Variants in XRCC4 observed in about 807,000 individuals in gnomAD.
XRCC4 encodes the protein DNA repair protein XRCC4.
In XRCC4, 28 loss-of-function variants were observed where a neutral mutation model predicts 39.1. The observed-to-expected ratio is 0.72, with a 90% CI of 0.53 to 0.98. The LOEUF (loss-of-function observed/expected upper bound fraction) is 0.98, where lower values mean the gene tolerates loss of function less well. XRCC4 is among the 50% of genes least tolerant of loss of function. XRCC4 has a pLI of 0.00. For missense variants in XRCC4, 350 were observed against 376.4 expected (o/e 0.93, Z 0.58); for synonymous variants, 123 against 126.4 (o/e 0.97, Z 0.18).
intron 3 of XRCC4, among the ~76,000 whole-genome samples, chr5:83,171,509 C>T (rs1580325697): frequency 6.6e-6 from 1 of 152,118 alleles, no homozygotes; most frequent in East Asian, 1.9e-4. Flanking sequence ...TTTCTGGCTT[C>T]TCTTGGAAAA....
At chr5:83,326,091 A>T (rs1192953900) in intron 7 of XRCC4, among the ~76,000 whole-genome samples, 1 of 151,978 alleles carries the variant, frequency 6.6e-6, no homozygotes, top group African/African-American at 2.4e-5. Context: ...CCAGTTTTTA[A>T]TGGGCTTGTT....
chr5:83,351,527 A>G, intron 7 of XRCC4, among the ~76,000 whole-genome samples: 1 of 152,338 alleles, frequency 6.6e-6, no homozygotes, highest in Non-Finnish European at 1.5e-5. Flanking sequence ...GAAAATGTAT[A>G]TATATAATAA....
intron 3 of XRCC4, among the ~76,000 whole-genome samples, chr5:83,140,223 C>G (rs906863465): frequency 6.6e-6 from 1 of 152,148 alleles, no homozygotes; most frequent in Non-Finnish European, 1.5e-5. Context: ...ATACAGGAAG[C>G]CAGTAGTGGC....
chr5:83,204,864 G>C lies in XRCC4; in HGVS notation c.688G>C (p.Asp230His). Residue 230 changes from aspartate (D) to histidine (H), a missense_variant, in exon 6 of 8, where the codon GAT becomes CAT. Physicochemically the swap from Asp to His is moderately conservative, Grantham distance 81. Transcript: ENST00000396027. ...EMTADRDPVY[D>H]ESTDEESENQ... ...GACTGCTGACCGAGATCCAGTCTAT[G>C]ATGAGAGTACTGATGAGGAAAGTGA... 6.2e-7 allele frequency: 1 copy of C among 1,612,446 alleles called. No homozygotes were observed. Among genetic ancestry groups the C allele is most frequent in the Non-Finnish European group, 8.5e-7 (1 of 1,178,846 alleles).
chr5:83,212,061 T>G (rs1235824447), intron 6 of XRCC4, among the ~76,000 whole-genome samples: 1 of 152,106 alleles, frequency 6.6e-6, no homozygotes, highest in African/African-American at 2.4e-5. Flanking sequence ...TATATCTATA[T>G]CTGTATCTAT....
At chr5:83,268,104 A>ACT (rs28360251) in intron 7 of XRCC4, among the ~76,000 whole-genome samples, 1,536 of 152,242 alleles carry the variant, frequency 0.01, 28 homozygotes, top group African/African-American at 0.036. Context: ...ATAGGAAGAT[A>ACT]CTCTAGTAGT....
chr5:83,270,650 G>T (rs1257649297), intron 7 of XRCC4, among the ~76,000 whole-genome samples: 1 of 151,564 alleles, frequency 6.6e-6, no homozygotes, highest in African/African-American at 2.4e-5. Flanking sequence ...GAGTATTCCA[G>T]TGCCTTCCCA....
intron 6 of XRCC4, 76 bp from the exon 7 acceptor site, chr5:83,258,454 C>G: frequency 6.6e-7 from 1 of 1,522,150 alleles, no homozygotes; most frequent in Non-Finnish European, 8.9e-7. Context: ...TATGTCAATG[C>G]TAAAACAGCA....
intron 3 of XRCC4, among the ~76,000 whole-genome samples, chr5:83,169,843 G>A (rs543240904): frequency 4.7e-4 from 71 of 152,284 alleles, no homozygotes; most frequent in African/African-American, 1.5e-3. Flanking sequence ...CAGACAGTAA[G>A]TGTGACGGTA....
intron 3 of XRCC4, among the ~76,000 whole-genome samples, chr5:83,179,697 C>T (rs1216998669): frequency 6.6e-6 from 1 of 152,162 alleles, no homozygotes; most frequent in East Asian, 1.9e-4. Context: ...ATAGGCTCAA[C>T]CCATCATAAA....
intron 3 of XRCC4, among the ~76,000 whole-genome samples, chr5:83,163,615 A>G (rs1196416061): frequency 6.6e-6 from 1 of 152,218 alleles, no homozygotes; most frequent in Non-Finnish European, 1.5e-5. Context: ...TTAATATCCA[A>G]ATGATGAGCA....
intron 6 of XRCC4, among the ~76,000 whole-genome samples, chr5:83,242,063 G>T (rs1365819716): frequency 7.6e-6 from 1 of 131,472 alleles, no homozygotes; most frequent in African/African-American, 2.8e-5. Flanking sequence ...GGAGAGGCAG[G>T]CAAATTCAGT....
chr5:83,228,356 A>G (rs959210574), intron 6 of XRCC4, among the ~76,000 whole-genome samples: 4 of 152,032 alleles, frequency 2.6e-5, no homozygotes, highest in African/African-American at 9.7e-5. Flanking sequence ...ATTATGAATT[A>G]CTTGCAGGAA....
At position 83,220,256 on chromosome 5, in the gene XRCC4, G is replaced by A. The variant is rs190382633; in HGVS notation, c.745+15335G>A. Among the ~76,000 whole-genome samples, 1,231 of 152,226 alleles carry A rather than the reference G, an allele frequency of 8.1e-3. 9 individuals are homozygous for A. Among genetic ancestry groups the A allele is most frequent in the Non-Finnish European group, 0.011 (777 of 67,992 alleles). On this transcript the variant is annotated intron_variant, in intron 6 of 7. Coordinates refer to ENST00000396027, the MANE Select transcript of XRCC4 (RefSeq NM_003401.5). ...ACGTGTTCATTGTCCCTGTTAAACA[G>A]CAAACCATGACTGAGTTCAGACAAA... is the stretch of plus-strand genomic sequence containing the variant.
At chr5:83,097,480 T>C (rs760126576) in intron 1 of XRCC4, among the ~76,000 whole-genome samples, 2 of 152,044 alleles carry the variant, frequency 1.3e-5, no homozygotes, top group African/African-American at 2.4e-5. Flanking sequence ...GGGAAAAAAG[T>C]ACATTGTTTA....
At chr5:83,211,364 A>T (rs1168776197) in intron 6 of XRCC4, among the ~76,000 whole-genome samples, 1 of 152,230 alleles carries the variant, frequency 6.6e-6, no homozygotes, top group East Asian at 1.9e-4. Context: ...CACAACCAGC[A>T]GCATTGTCAG....
chr5:83,248,758 T>C (rs917926988), intron 6 of XRCC4, among the ~76,000 whole-genome samples: 5 of 152,340 alleles, frequency 3.3e-5, no homozygotes, highest in Admixed American at 6.5e-5. Flanking sequence ...ATGCTCAAAG[T>C]AACTTTAGCT....
At chr5:83,308,528 C>G (rs1448451718) in intron 7 of XRCC4, among the ~76,000 whole-genome samples, 1 of 152,080 alleles carries the variant, frequency 6.6e-6, no homozygotes, top group African/African-American at 2.4e-5. Context: ...AGATCAGTGC[C>G]AAATTTTCTC....
intron 6 of XRCC4, among the ~76,000 whole-genome samples, chr5:83,220,021 A>G (rs1200109532): frequency 6.6e-6 from 1 of 152,138 alleles, no homozygotes; most frequent in Non-Finnish European, 1.5e-5. Context: ...ACAAGTCTTT[A>G]TGGAGCACTT....
Sources: gnomAD v4.1 joint callset for allele counts (sites outside exome capture counted in the v4.1 genomes callset) on GRCh38, gnomAD v4.1.1 for gene constraint, MANE v1.5 for transcripts, NCBI Gene and HGNC (gene_info 2026-07-23, HGNC 2026-07-21) for gene names.